PHTF2: variants seen among roughly 807,000 people sequenced by gnomAD.
PHTF2 encodes putative homeodomain transcription factor 2.
A neutral mutation model predicts 101.2 loss-of-function variants in PHTF2; 60 were observed. The ratio of observed to expected loss-of-function variants is 0.59; its 90% CI spans 0.48 to 0.73. PHTF2 has a LOEUF of 0.73. Ranked by LOEUF, PHTF2 falls within the 30% of genes least tolerant of loss-of-function variation. The pLI is 0.00. For missense variants in PHTF2, 747 were observed against 908.7 expected, an observed-to-expected ratio of 0.82 and a Z score of 2.29; for synonymous variants, 311 against 307.3, an observed-to-expected ratio of 1.01 and a Z score of -0.13.
chr7:77,953,838 G>A, exon 19 of PHTF2: 1 of 1,612,970 alleles, frequency 6.2e-7, no homozygotes, highest in Non-Finnish European at 8.5e-7. Context: ...CACCCAGGTT[G>A]TTATCCTGTC....
At chr7:77,888,521 A>G (rs1387396474) in intron 3 of PHTF2, among the ~76,000 whole-genome samples, 1 of 152,124 alleles carries the variant, frequency 6.6e-6, no homozygotes, top group Non-Finnish European at 1.5e-5. Context: ...TGGGGGAGGG[A>G]GGAGAAAAAG....
At chr7:77,925,094 A>G (rs1025151362) in intron 11 of PHTF2, among the ~76,000 whole-genome samples, 7 of 152,160 alleles carry the variant, frequency 4.6e-5, no homozygotes, top group African/African-American at 1.7e-4. Context: ...TTAGCTTTTC[A>G]TCCCAGAAAG....
At chr7:77,905,132 G>A (rs781548353) in intron 7 of PHTF2, among the ~76,000 whole-genome samples, 6 of 152,128 alleles carry the variant, frequency 3.9e-5, no homozygotes, top group Admixed American at 6.5e-5. Flanking sequence ...GATAGGGAGC[G>A]GAGACTGTGT....
intron 15 of PHTF2, among the ~76,000 whole-genome samples, chr7:77,941,194 C>CT (rs565703894): frequency 6.9e-4 from 105 of 152,300 alleles, no homozygotes; most frequent in African/African-American, 2.3e-3. Context: ...CAATCATCCT[C>CT]TGACATACCT....
chr7:77,923,917 T>A (rs1322926840), intron 11 of PHTF2: 1 of 967,894 alleles, frequency 1.0e-6, no homozygotes. Context: ...ACTTTTAAAT[T>A]AAAAGGTTGT....
intron 8 of PHTF2, 105 bp downstream of exon 7, chr7:77,909,063 G>T: frequency 3.1e-6 from 2 of 642,992 alleles, no homozygotes; most frequent in Non-Finnish European, 4.8e-6. Context: ...ATCTTGTAAG[G>T]TTGCTGTTTC....
At chr7:77,892,694 G>A (rs1188830510) in intron 3 of PHTF2, among the ~76,000 whole-genome samples, 1 of 152,194 alleles carries the variant, frequency 6.6e-6, no homozygotes, top group Non-Finnish European at 1.5e-5. Context: ...GGAGACAGCA[G>A]GAGCTAATAG....
intron 11 of PHTF2, chr7:77,923,086 T>A (rs1803635108): frequency 9.6e-7 from 1 of 1,042,492 alleles, no homozygotes; most frequent in Non-Finnish European, 1.2e-6. Flanking sequence ...GTTCACTTTT[T>A]CCACAATTTG....
At chr7:77,855,180 G>A (rs1797077017) in intron 3 of PHTF2, among the ~76,000 whole-genome samples, 1 of 152,228 alleles carries the variant, frequency 6.6e-6, no homozygotes, top group Non-Finnish European at 1.5e-5. Flanking sequence ...TTAGTCAGCA[G>A]GTGATGAATC....
intron 16 of PHTF2, among the ~76,000 whole-genome samples, chr7:77,948,358 G>A (rs1806263560): frequency 6.6e-6 from 1 of 152,110 alleles, no homozygotes. Context: ...ATGGAAATAT[G>A]AGGTAAAAAT....
intron 12 of PHTF2, among the ~76,000 whole-genome samples, chr7:77,933,869 G>A (rs1467412485): frequency 1.3e-5 from 2 of 152,156 alleles, no homozygotes; most frequent in African/African-American, 4.8e-5. Flanking sequence ...TATGATGTCT[G>A]TGCAGAGTAA....
At chr7:77,890,410 G>A (rs942419627) in intron 3 of PHTF2, among the ~76,000 whole-genome samples, 15 of 151,634 alleles carry the variant, frequency 9.9e-5, no homozygotes, top group Non-Finnish European at 1.9e-4. Context: ...TATAGGACAT[G>A]TATCTACACA....
At chr7:77,954,612 GTATATATATA>G (rs66540211) in intron 19 of PHTF2, among the ~76,000 whole-genome samples, 1,155 of 90,196 alleles carry the variant, frequency 0.013, 13 homozygotes, top group Non-Finnish European at 0.018. Flanking sequence ...CAAGTACTGT[GTATATATATA>G]TATATATATA....
chr7:77,940,901 A>C (rs997761177), intron 15 of PHTF2, among the ~76,000 whole-genome samples: 1 of 152,174 alleles, frequency 6.6e-6, no homozygotes, highest in Non-Finnish European at 1.5e-5. Flanking sequence ...ACCTATTACT[A>C]TTTTAAAATA....
At chr7:77,820,020 G>A (rs990899778) in intron 1 of PHTF2, among the ~76,000 whole-genome samples, 1 of 152,086 alleles carries the variant, frequency 6.6e-6, no homozygotes, top group Admixed American at 6.6e-5. Flanking sequence ...CTCCTCAGTA[G>A]CTGGAATTAC....
chr7:77,900,800 G>T lies in PHTF2; in HGVS notation c.286+20G>T. The T allele has an allele frequency of 8.4e-7, 1 of 1,191,902 alleles. No homozygotes were observed. The highest frequency in any genetic ancestry group is 1.2e-5 in the South Asian group (1 of 82,216). The allele number at this position is 1,191,902 out of a possible 1,614,324, so 73.8% of individuals were successfully genotyped here. The stretch of plus-strand genomic sequence containing the variant: ...TAAGAGGTGAGTCTGATAAATAAAT[G>T]CTTAATACAAGTAGACATTGTTCTG... On this transcript the variant is annotated intron_variant, in intron 6 of 19. Coordinates refer to ENST00000416283, the Ensembl canonical transcript of PHTF2.
intron 1 of PHTF2, among the ~76,000 whole-genome samples, chr7:77,817,906 G>A (rs539309992): frequency 2.4e-4 from 37 of 151,974 alleles, no homozygotes; most frequent in African/African-American, 8.2e-4. Context: ...TCAGCAGGTC[G>A]AGACCAGCCT....
chr7:77,850,856 T>A (rs1040035460), intron 2 of PHTF2, among the ~76,000 whole-genome samples: 1 of 152,120 alleles, frequency 6.6e-6, no homozygotes, highest in African/African-American at 2.4e-5. Context: ...GTTTTTTTAG[T>A]GTTTTTATTA....
intron 3 of PHTF2, among the ~76,000 whole-genome samples, chr7:77,888,270 A>G (rs535347310): frequency 6.6e-6 from 1 of 152,070 alleles, no homozygotes; most frequent in African/African-American, 2.4e-5. Context: ...GTGCGCCACC[A>G]CGCCCAGCTA....
Sources: gnomAD v4.1 joint callset for allele counts (sites outside exome capture counted in the v4.1 genomes callset) on GRCh38, gnomAD v4.1.1 for gene constraint, MANE v1.5 for transcripts, NCBI Gene and HGNC (gene_info 2026-07-23, HGNC 2026-07-21) for gene names.